Variants in CSMD1 observed in about 807,000 individuals in gnomAD.
CSMD1 encodes CUB and Sushi multiple domains 1, also known as CUB and sushi domain-containing protein 1.
In CSMD1, 213 loss-of-function variants were observed where a neutral mutation model predicts 417.5. The ratio of observed to expected loss-of-function variants is 0.51; its 90% confidence interval spans 0.46 to 0.57. CSMD1 has a LOEUF of 0.57. Ranked by LOEUF, CSMD1 falls within the 20% of genes least tolerant of loss-of-function variation. The probability of loss-of-function intolerance (pLI) is 0.00; values close to 1 mark genes in which losing one functional copy is unlikely to be tolerated. For synonymous variants in CSMD1, 2,862 were observed against 1,736.8 expected (o/e 1.65, Z -16.11); for missense variants, 6,923 against 4,529.7 (o/e 1.53, Z -15.17).
intron 4 of CSMD1, among the ~76,000 whole-genome samples, chr8:4,019,493 C>A (rs185868411): frequency 6.6e-5 from 10 of 152,220 alleles, no homozygotes; most frequent in Non-Finnish European, 8.8e-5. Context: ...TACTGGGGCC[C>A]ATTGCATGAA....
chr8:4,004,618 T>G, intron 4 of CSMD1, among the ~76,000 whole-genome samples: 1 of 152,314 alleles, frequency 6.6e-6, no homozygotes, highest in East Asian at 1.9e-4. Flanking sequence ...CATTTTACTA[T>G]TCTACAATAT....
intron 5 of CSMD1, among the ~76,000 whole-genome samples, chr8:3,966,756 C>T (rs1239891106): frequency 3.3e-5 from 1 of 29,974 alleles, no homozygotes; most frequent in Non-Finnish European, 6.3e-5. Context: ...CACACACACG[C>T]GCGCGCGCGC....
At chr8:3,968,187 AAAT>A (rs60661289) in intron 5 of CSMD1, among the ~76,000 whole-genome samples, 77,225 of 148,810 alleles carry the variant, frequency 0.52, 20,306 homozygotes, top group East Asian at 0.79. Flanking sequence ...ACTCCGTCTC[AAAT>A]AATAATAATA....
chr8:4,967,536 C>G (rs1016544439), intron 1 of CSMD1, among the ~76,000 whole-genome samples: 1 of 152,100 alleles, frequency 6.6e-6, no homozygotes, highest in Non-Finnish European at 1.5e-5. Flanking sequence ...AAATCTTAAG[C>G]CAATATTTTC....
chr8:4,591,747 G>C (rs961421985), intron 2 of CSMD1, among the ~76,000 whole-genome samples: 5 of 152,078 alleles, frequency 3.3e-5, no homozygotes, highest in Non-Finnish European at 7.4e-5. Context: ...GAAGTGAGGG[G>C]ATAGGATCTG....
intron 3 of CSMD1, among the ~76,000 whole-genome samples, chr8:4,334,819 G>C (rs536941940): frequency 1.4e-3 from 214 of 152,208 alleles, no homozygotes; most frequent in African/African-American, 5.0e-3. Context: ...CATATATTCG[G>C]AGGTTTTTAA....
At chr8:4,668,922 C>A (rs80032223) in intron 1 of CSMD1, among the ~76,000 whole-genome samples, 4,284 of 152,124 alleles carry the variant, frequency 0.028, 200 homozygotes, top group African/African-American at 0.097. Context: ...TTATTTTATT[C>A]TCTTTTTCTA....
chr8:4,286,246 C>T (rs559957516), intron 3 of CSMD1, among the ~76,000 whole-genome samples: 5 of 152,168 alleles, frequency 3.3e-5, no homozygotes, highest in Non-Finnish European at 7.3e-5. Flanking sequence ...TTGCGTCTCT[C>T]CGCCATGCTC....
chr8:4,942,327 A>AGAT (rs1808059729), intron 1 of CSMD1, among the ~76,000 whole-genome samples: 1 of 152,134 alleles, frequency 6.6e-6, no homozygotes, highest in African/African-American at 2.4e-5. Context: ...TAACTCTGAC[A>AGAT]GATAGAATAA....
intron 9 of CSMD1, among the ~76,000 whole-genome samples, chr8:3,581,556 G>A (rs752945806): frequency 6.6e-6 from 1 of 152,136 alleles, no homozygotes; most frequent in Non-Finnish European, 1.5e-5. Context: ...TCCAGAGAAG[G>A]CATGATCATT....
chr8:3,125,067 T>C (rs1014268349), intron 41 of CSMD1, among the ~76,000 whole-genome samples: 3 of 152,236 alleles, frequency 2.0e-5, no homozygotes, highest in South Asian at 4.1e-4. Flanking sequence ...ATTCTCTCTT[T>C]TCTCAAATGT....
At chr8:2,975,969 C>T (rs1804880277) in intron 55 of CSMD1, among the ~76,000 whole-genome samples, 1 of 152,158 alleles carries the variant, frequency 6.6e-6, no homozygotes, top group Admixed American at 6.5e-5. Context: ...AAGAAATGTT[C>T]TGGGACAGAC....
intron 30 of CSMD1, among the ~76,000 whole-genome samples, chr8:3,210,410 A>C (rs1206685605): frequency 1.3e-5 from 2 of 151,116 alleles, no homozygotes; most frequent in African/African-American, 2.4e-5. Context: ...ATTTGGTTTT[A>C]TATATATGAC....
chr8:3,498,363 C>T (rs1796454197), intron 10 of CSMD1, among the ~76,000 whole-genome samples: 2 of 152,126 alleles, frequency 1.3e-5, no homozygotes, highest in South Asian at 2.1e-4. Flanking sequence ...CTGTGATATC[C>T]ATCACCTCAA....
intron 5 of CSMD1, among the ~76,000 whole-genome samples, chr8:3,777,670 CAG>C (rs1798964119): frequency 6.6e-6 from 1 of 152,236 alleles, no homozygotes; most frequent in Non-Finnish European, 1.5e-5. Context: ...CCTTGAAGTG[CAG>C]AGTCTCAGGA....
At chr8:3,604,349 G>A (rs1353846938) in intron 8 of CSMD1, among the ~76,000 whole-genome samples, 4 of 152,154 alleles carry the variant, frequency 2.6e-5, no homozygotes, top group Non-Finnish European at 5.9e-5. Flanking sequence ...GAAGTAGCAC[G>A]GAACAGGTAC....
chr8:3,221,733 T>C (rs1330669301), intron 28 of CSMD1, among the ~76,000 whole-genome samples: 2 of 152,056 alleles, frequency 1.3e-5, no homozygotes, highest in African/African-American at 4.8e-5. Flanking sequence ...CTGACTCAAA[T>C]TGAACCAAAT....
intron 1 of CSMD1, among the ~76,000 whole-genome samples, chr8:4,791,817 C>T (rs1201054575): frequency 6.6e-6 from 1 of 152,154 alleles, no homozygotes; most frequent in Non-Finnish European, 1.5e-5. Context: ...CATTCTCTGA[C>T]ACTGACCTAC....
intron 3 of CSMD1, among the ~76,000 whole-genome samples, chr8:4,319,535 A>G (rs1043754997): frequency 4.6e-5 from 7 of 152,178 alleles, no homozygotes; most frequent in African/African-American, 1.7e-4. Flanking sequence ...ACAAACAAAC[A>G]AAGTCACAGA....
Sources: allele counts gnomAD v4.1 joint callset (sites outside exome capture counted in the v4.1 genomes callset), GRCh38; gene constraint gnomAD v4.1.1; transcripts MANE v1.5; gene names NCBI Gene and HGNC (gene_info 2026-07-23, HGNC 2026-07-21).